SCMH1: variants seen among roughly 807,000 people sequenced by gnomAD.
SCMH1 encodes the protein Scm polycomb group protein homolog 1, also known as polycomb protein SCMH1.
In SCMH1, 37 loss-of-function variants were observed where a neutral mutation model predicts 70.8. The observed-to-expected ratio is 0.52, with a 90% CI of 0.40 to 0.69. The LOEUF (loss-of-function observed/expected upper bound fraction) is 0.69. Among genes scored for constraint, SCMH1 ranks in the 30% least tolerant of loss-of-function variants. The pLI, the probability that SCMH1 is intolerant of heterozygous loss-of-function variation, is 0.00. For missense variants in SCMH1, 607 were observed against 827.3 expected (o/e 0.73, Z 3.27); for synonymous variants, 292 against 307.4 (o/e 0.95, Z 0.52).
At chr1:41,044,260 G>A (rs1483765450) in intron 12 of SCMH1, among the ~76,000 whole-genome samples, 2 of 152,170 alleles carry the variant, frequency 1.3e-5, no homozygotes, top group Non-Finnish European at 2.9e-5. Flanking sequence ...ACCTATGTAT[G>A]TCTAGCAGAA....
intron 1 of SCMH1, among the ~76,000 whole-genome samples, chr1:41,227,932 G>C (rs1047339119): frequency 6.6e-6 from 1 of 152,124 alleles, no homozygotes; most frequent in African/African-American, 2.4e-5. Flanking sequence ...GAGCTGGTGA[G>C]CTGAGATTGC....
intron 4 of SCMH1, among the ~76,000 whole-genome samples, chr1:41,154,903 G>A (rs541416081): frequency 6.6e-6 from 1 of 152,104 alleles, no homozygotes; most frequent in Admixed American, 6.6e-5. Flanking sequence ...TATGACAGGG[G>A]TCCCTGCCCT....
intron 8 of SCMH1, among the ~76,000 whole-genome samples, chr1:41,086,512 A>G (rs1385997070): frequency 6.6e-6 from 1 of 152,194 alleles, no homozygotes; most frequent in Non-Finnish European, 1.5e-5. Context: ...TACAAACTTA[A>G]TGCAACCTCA....
chr1:41,180,505 G>A (rs561833374), intron 2 of SCMH1, among the ~76,000 whole-genome samples: 1 of 152,296 alleles, frequency 6.6e-6, no homozygotes, highest in East Asian at 1.9e-4. Flanking sequence ...AAAGTCTCAG[G>A]ATAGAAAATC....
chr1:41,150,863 G>A (rs1393972437), intron 5 of SCMH1, among the ~76,000 whole-genome samples: 2 of 150,818 alleles, frequency 1.3e-5, no homozygotes, highest in Non-Finnish European at 1.5e-5. Flanking sequence ...TATGTACCCA[G>A]GAGGCGGAGC....
At chr1:41,137,352 A>G (rs1404081278) in intron 6 of SCMH1, among the ~76,000 whole-genome samples, 2 of 152,156 alleles carry the variant, frequency 1.3e-5, no homozygotes, top group African/African-American at 2.4e-5. Context: ...AACTTTGTTT[A>G]TATCTCCCCT....
intron 2 of SCMH1, among the ~76,000 whole-genome samples, chr1:41,177,154 C>CGG (rs1198302883): frequency 1.3e-5 from 2 of 152,220 alleles, no homozygotes; most frequent in Admixed American, 6.5e-5. Context: ...CTCCAGCAAA[C>CGG]TCCGATAGAC....
At chr1:41,078,977 G>A (rs1340577783) in intron 8 of SCMH1, among the ~76,000 whole-genome samples, 1 of 152,242 alleles carries the variant, frequency 6.6e-6, no homozygotes, top group Non-Finnish European at 1.5e-5. Context: ...CACAGAGGAT[G>A]AAAGTGGAGA....
At chr1:41,054,522 A>G (rs998243814) in intron 10 of SCMH1, among the ~76,000 whole-genome samples, 5 of 152,158 alleles carry the variant, frequency 3.3e-5, no homozygotes, top group African/African-American at 4.8e-5. Context: ...AGGACAGTAA[A>G]ATTCTTTAAG....
intron 7 of SCMH1, among the ~76,000 whole-genome samples, chr1:41,115,843 ATTTCT>A (rs1226475567): frequency 6.6e-6 from 1 of 151,948 alleles, no homozygotes; most frequent in Non-Finnish European, 1.5e-5. Context: ...CCCTCTGTAG[ATTTCT>A]TTTACTTTCA....
At chr1:41,185,618 G>A (rs1649970174) in intron 2 of SCMH1, among the ~76,000 whole-genome samples, 1 of 151,264 alleles carries the variant, frequency 6.6e-6, no homozygotes, top group South Asian at 2.1e-4. Context: ...TATTTCTCAT[G>A]TAGCCAAATT....
chr1:41,078,187 C>T (rs552555598), intron 8 of SCMH1, among the ~76,000 whole-genome samples: 32 of 151,972 alleles, frequency 2.1e-4, no homozygotes, highest in African/African-American at 7.7e-4. Context: ...AAATAGAAAA[C>T]ATCCAAAATA....
At chr1:41,031,846 G>T (rs1057446171) in intron 13 of SCMH1, among the ~76,000 whole-genome samples, 1 of 152,082 alleles carries the variant, frequency 6.6e-6, no homozygotes, top group African/African-American at 2.4e-5. Flanking sequence ...ACATATATAT[G>T]ATAGTATATA....
At chr1:41,214,592 T>C (rs1003881662) in intron 1 of SCMH1, among the ~76,000 whole-genome samples, 2 of 152,168 alleles carry the variant, frequency 1.3e-5, no homozygotes, top group Non-Finnish European at 2.9e-5. Context: ...ACAATAAATA[T>C]GCAAGATGGC....
At chr1:41,051,538 G>A (rs1401144242) in intron 10 of SCMH1, among the ~76,000 whole-genome samples, 1 of 152,180 alleles carries the variant, frequency 6.6e-6, no homozygotes, top group Non-Finnish European at 1.5e-5. Flanking sequence ...AGTGGGACAA[G>A]ATATGGAGAT....
At chr1:41,146,337 T>G in intron 5 of SCMH1, among the ~76,000 whole-genome samples, 1 of 152,220 alleles carries the variant, frequency 6.6e-6, no homozygotes, top group East Asian at 1.9e-4. Context: ...AAATTTACAG[T>G]AAGCTAAGGT....
intron 6 of SCMH1, among the ~76,000 whole-genome samples, chr1:41,121,283 A>G (rs1671874172): frequency 6.6e-6 from 1 of 152,214 alleles, no homozygotes; most frequent in East Asian, 1.9e-4. Flanking sequence ...ATTAAGTAAA[A>G]TATCCAAAGT....
intron 1 of SCMH1, among the ~76,000 whole-genome samples, chr1:41,191,751 TTA>T (rs1557782855): frequency 1.2e-4 from 18 of 152,296 alleles, no homozygotes; most frequent in African/African-American, 4.1e-4. Context: ...ATGTATTTTT[TTA>T]AAAAAATTGT....
intron 1 of SCMH1, among the ~76,000 whole-genome samples, chr1:41,239,481 G>A (rs112901921): frequency 5.3e-4 from 80 of 152,208 alleles, no homozygotes; most frequent in Non-Finnish European, 8.7e-4. Flanking sequence ...TCAGCTATGC[G>A]TAGTTCTCAT....
Sources: allele counts gnomAD v4.1 joint callset (sites outside exome capture counted in the v4.1 genomes callset), GRCh38; gene constraint gnomAD v4.1.1; transcripts MANE v1.5; gene names NCBI Gene and HGNC (gene_info 2026-07-23, HGNC 2026-07-21).